The following ATIC variants were observed in gnomAD, a reference collection of about 807,000 sequenced individuals.
ATIC encodes bifunctional purine biosynthesis protein ATIC.
ATIC carries 64 observed loss-of-function variants against 72.5 expected under a neutral mutation model. The observed-to-expected ratio is 0.88, with a 90% CI of 0.72 to 1.09. The LOEUF (loss-of-function observed/expected upper bound fraction) is 1.09. ATIC is among the 50% of genes least tolerant of loss of function. The pLI is 0.00. For synonymous variants in ATIC, 281 were observed against 267.1 expected (o/e 1.05, Z -0.51); for missense variants, 787 against 732.4 (o/e 1.07, Z -0.86).
the ATIC span, chr2:215,361,589 T>G: frequency 6.2e-7 from 1 of 1,612,556 alleles, no homozygotes; most frequent in Non-Finnish European, 8.5e-7. Context: ...AGCCTGTACA[T>G]CTAAAGGCAT....
intron 4 of ATIC, among the ~76,000 whole-genome samples, chr2:215,321,965 G>A (rs1216954506): frequency 2.6e-5 from 4 of 152,002 alleles, no homozygotes; most frequent in East Asian, 1.9e-4. Context: ...GCACAGTGGC[G>A]TCATCTTGGC....
intron 10 of ATIC, among the ~76,000 whole-genome samples, chr2:215,335,558 A>ATGGC (rs1575121493): frequency 6.6e-6 from 1 of 152,216 alleles, no homozygotes; most frequent in Non-Finnish European, 1.5e-5. Flanking sequence ...GATTCTTTCC[A>ATGGC]TGGCCACTGC....
the ATIC span, chr2:215,365,386 A>G: frequency 9.3e-7 from 1 of 1,078,306 alleles, no homozygotes; most frequent in East Asian, 2.4e-5. Flanking sequence ...TAAGAAACCC[A>G]CTGTTCACTC....
downstream of ATIC, among the ~76,000 whole-genome samples, chr2:215,350,408 C>T (rs561163966): frequency 1.7e-3 from 265 of 152,268 alleles, 3 homozygotes; most frequent in African/African-American, 6.1e-3. Flanking sequence ...GCTGGGATTA[C>T]GGGCGTGAGC....
intron 11 of ATIC, among the ~76,000 whole-genome samples, chr2:215,337,851 T>A (rs745445113): frequency 8.3e-4 from 127 of 152,244 alleles, no homozygotes; most frequent in Non-Finnish European, 7.8e-4. Flanking sequence ...ATTGGTATTT[T>A]ACTTATTTGA....
intron 1 of ATIC, 152 bp downstream of exon 1, chr2:215,312,313 C>T (rs2052661482): frequency 6.9e-7 from 1 of 1,442,346 alleles, no homozygotes; most frequent in Non-Finnish European, 9.3e-7. Flanking sequence ...CCGCAGCCTG[C>T]GTGGGGCCCG....
At chr2:215,365,814 T>A in the ATIC span, 209 of 285,936 alleles carry the variant, frequency 7.3e-4, 2 homozygotes, top group Admixed American at 1.4e-3. Flanking sequence ...TTATTTTTTT[T>A]TTTTTTTTTG....
rs541875752 is a variant in ATIC at position 215,312,769 on chromosome 2, A to G, written c.146+145A>G. ...TGTAATACTTCCCCACTTTATGGGGAAAAAAAGTGAGGCTCAGAGAGATTT... is the reference window on the plus strand; with the variant it reads ...TGTAATACTTCCCCACTTTATGGGGGAAAAAAGTGAGGCTCAGAGAGATTT... On this transcript the variant is annotated intron_variant, in intron 2 of 15. Transcript: ENST00000236959. 1.1e-4 allele frequency: 140 copies of G among 1,313,016 alleles called. No homozygotes were observed. The African/African-American group carries it at 1.3e-3, about 13-fold the overall frequency. 81.3% of individuals were successfully genotyped at this position (1,313,016 alleles called of 1,614,324 possible).
chr2:215,336,932 T>C (rs2052962232), intron 11 of ATIC, among the ~76,000 whole-genome samples: 1 of 152,240 alleles, frequency 6.6e-6, no homozygotes, highest in African/African-American at 2.4e-5. Flanking sequence ...TTTTATACTT[T>C]TAAAAAGTCT....
At chr2:215,327,000 G>A in intron 7 of ATIC, 22 bp downstream of exon 7, 1 of 1,614,172 alleles carries the variant, frequency 6.2e-7, no homozygotes, top group Non-Finnish European at 8.5e-7. Flanking sequence ...GCGTTCTGTG[G>A]CATGGTTTGC....
chr2:215,347,231 T>C (rs949918523), intron 14 of ATIC: 3 of 427,290 alleles, frequency 7.0e-6, no homozygotes, highest in Non-Finnish European at 1.3e-5. Context: ...TTATAAGCTT[T>C]TGATGACAAG....
rs149192992 is a variant in ATIC, at chr2:215,323,509, ACTG to A, written c.291-1729_291-1727del. On this transcript the variant is annotated intron_variant, in intron 4 of 15. Coordinates refer to ENST00000236959, the MANE Select transcript of ATIC (RefSeq NM_004044.7). Reference sequence around the variant, plus strand: ...TGTTTTCTTAATTTTTTTCTCATTCACTGCTAATGTATATTTTAATACAATTGA... The same window carrying A: ...TGTTTTCTTAATTTTTTTCTCATTCACTAATGTATATTTTAATACAATTGA... Among the ~76,000 whole-genome samples the A allele has an allele frequency of 2.1e-3, 325 of 152,248 alleles. 1 individual carries two copies. The highest frequency in any genetic ancestry group is 7.5e-3 in the African/African-American group (311 of 41,566).
intron 3 of ATIC, 116 bp from the exon 4 acceptor site, chr2:215,319,548 TA>T (rs1253519254): frequency 9.8e-6 from 8 of 813,070 alleles, no homozygotes; most frequent in Non-Finnish European, 1.7e-5. Context: ...CTCAAAAAAA[TA>T]AATTTTTTTT....
At chr2:215,356,987 C>T in the ATIC span, among the ~76,000 whole-genome samples, 2 of 152,116 alleles carry the variant, frequency 1.3e-5, no homozygotes, top group Admixed American at 6.5e-5. Context: ...AACTGTTTAA[C>T]GTTTTGAAGA....
At chr2:215,348,897 G>T (rs1575127286) in intron 14 of ATIC, 197 bp from the exon 15 acceptor site, 1 of 356,798 alleles carries the variant, frequency 2.8e-6, no homozygotes, top group East Asian at 6.0e-5. Context: ...GGTGGAGGTT[G>T]CGGTGAGCCG....
chr2:215,352,584 G>C (rs113757798), downstream of ATIC, among the ~76,000 whole-genome samples: 4,640 of 147,420 alleles, frequency 0.031, 218 homozygotes, highest in African/African-American at 0.11. Context: ...TCCATCTCAA[G>C]AAAAAAAAAA....
intron 10 of ATIC, among the ~76,000 whole-genome samples, chr2:215,335,774 G>A (rs1191592877): frequency 6.6e-6 from 1 of 152,188 alleles, no homozygotes; most frequent in African/African-American, 2.4e-5. Context: ...AGGTACATGT[G>A]TTAAGAGCAA....
chr2:215,344,946 G>T, intron 13 of ATIC, 75 bp downstream of exon 13: 1 of 1,434,864 alleles, frequency 7.0e-7, no homozygotes. Flanking sequence ...GTCTGCCTTA[G>T]ATATTGGACA....
At chr2:215,361,694 C>CG in the ATIC span, 1,036 of 1,260,334 alleles carry the variant, frequency 8.2e-4, 7 homozygotes, top group African/African-American at 0.014. Context: ...AAAAAAAATG[C>CG]GGGGAGGTGG....
Sources: gnomAD v4.1 joint callset for allele counts (sites outside exome capture counted in the v4.1 genomes callset) on GRCh38, gnomAD v4.1.1 for gene constraint, MANE v1.5 for transcripts, NCBI Gene and HGNC (gene_info 2026-07-23, HGNC 2026-07-21) for gene names.